The following DACH2 variants were observed in gnomAD, a reference collection of about 807,000 sequenced individuals.
DACH2 encodes the protein dachshund family transcription factor 2.
In DACH2, 17 loss-of-function variants were observed where a neutral mutation model predicts 35.8. The ratio of observed to expected loss-of-function variants is 0.48; its 90% CI spans 0.33 to 0.71. The LOEUF is 0.71. Among genes scored for constraint, DACH2 ranks in the 30% least tolerant of loss-of-function variants. The pLI is 0.02. For synonymous variants in DACH2, 195 were observed against 177.3 expected, an observed-to-expected ratio of 1.10 and a Z score of -0.79; for missense variants, 469 against 472.7, an observed-to-expected ratio of 0.99 and a Z score of 0.07.
intron 2 of DACH2, among the ~76,000 whole-genome samples, chrX:86,418,358 T>A (rs1262079658): frequency 8.9e-6 from 1 of 112,303 alleles, no homozygotes; most frequent in Non-Finnish European, 1.9e-5. Context: ...CTAGCAGAAG[T>A]TCTCCATGAG....
chrX:86,509,511 G>A (rs748538947), intron 2 of DACH2, among the ~76,000 whole-genome samples: 22 of 111,686 alleles, frequency 2.0e-4, no homozygotes, highest in Non-Finnish European at 3.8e-4. Context: ...CAATAGTTAG[G>A]CAAGTGATCT....
chrX:86,479,454 C>A (rs935584574), intron 2 of DACH2, among the ~76,000 whole-genome samples: 1 of 111,159 alleles, frequency 9.0e-6, no homozygotes. Flanking sequence ...TTGAGGTAGT[C>A]TTTTTTGGGG....
intron 7 of DACH2, among the ~76,000 whole-genome samples, chrX:86,790,942 G>T (rs552021182): frequency 9.0e-6 from 1 of 111,679 alleles, no homozygotes; most frequent in Non-Finnish European, 1.9e-5. Flanking sequence ...AACATATATC[G>T]TATGTTACAT....
intron 3 of DACH2, among the ~76,000 whole-genome samples, chrX:86,565,373 G>A (rs1381024619): frequency 9.0e-6 from 1 of 111,271 alleles, no homozygotes; most frequent in Non-Finnish European, 1.9e-5. Context: ...CTCTCAAAGT[G>A]TGGTCCCCGG....
At chrX:86,815,052 A>T (rs11797054) in intron 10 of DACH2, among the ~76,000 whole-genome samples, 37,382 of 110,826 alleles carry the variant, frequency 0.34, 5,002 homozygotes, top group Non-Finnish European at 0.42. Context: ...GTTCAGGAGA[A>T]ACAAATAGCC....
rs142084661 is a variant in DACH2 at position 86,650,624 on chromosome X, T to C, written c.641-412T>C. Among the ~76,000 whole-genome samples the C allele has an allele frequency of 8.8e-4, 98 of 111,728 alleles. 2 individuals carry two copies. The East Asian group carries it at 0.026, about 29-fold the overall frequency. On this transcript the variant is annotated intron_variant, in intron 3 of 11. Coordinates refer to ENST00000373125, the MANE Select transcript of DACH2 (RefSeq NM_053281.3). Reference sequence around the variant, plus strand: ...AACTCTTAGCAGACAAAAGAATACATTAGCAAGAGTCTTGGAATTTTTTAA... The same window carrying C: ...AACTCTTAGCAGACAAAAGAATACACTAGCAAGAGTCTTGGAATTTTTTAA...
At chrX:86,506,264 G>T (rs1429681225) in intron 2 of DACH2, among the ~76,000 whole-genome samples, 1 of 111,911 alleles carries the variant, frequency 8.9e-6, no homozygotes, top group Non-Finnish European at 1.9e-5. Context: ...GGCTTATGTT[G>T]CTGTTTCCTT....
At chrX:86,383,894 T>A (rs1293791672) in intron 2 of DACH2, among the ~76,000 whole-genome samples, 1 of 110,715 alleles carries the variant, frequency 9.0e-6, no homozygotes, top group Non-Finnish European at 1.9e-5. Context: ...ACGTGTAGCA[T>A]AATAATGTAA....
intron 1 of DACH2, among the ~76,000 whole-genome samples, chrX:86,343,870 T>C (rs1253458895): frequency 9.0e-6 from 1 of 111,049 alleles, no homozygotes; most frequent in East Asian, 2.8e-4. Flanking sequence ...TAAAAAAATT[T>C]ATCATTGGAG....
chrX:86,647,617 A>G (rs2040430643), intron 3 of DACH2, among the ~76,000 whole-genome samples: 1 of 110,974 alleles, frequency 9.0e-6, no homozygotes, highest in South Asian at 3.7e-4. Context: ...CATAGTGTCT[A>G]TAGTTAACAA....
intron 1 of DACH2, among the ~76,000 whole-genome samples, chrX:86,316,322 C>T (rs1355299311): frequency 9.1e-6 from 1 of 109,900 alleles, no homozygotes; most frequent in Non-Finnish European, 1.9e-5. Context: ...ACTGTTTTTC[C>T]TGGGGCTCAT....
chrX:86,293,895 A>G (rs763268436), intron 1 of DACH2, among the ~76,000 whole-genome samples: 1 of 110,280 alleles, frequency 9.1e-6, no homozygotes, highest in East Asian at 2.9e-4. Context: ...TCTGACAATT[A>G]TGTGTCTTGG....
At chrX:86,266,905 A>T (rs1439511543) in intron 1 of DACH2, among the ~76,000 whole-genome samples, 7 of 111,909 alleles carry the variant, frequency 6.3e-5, no homozygotes, top group African/African-American at 2.3e-4. Flanking sequence ...GTTGTCTTTG[A>T]TAGTTAATAT....
chrX:86,406,641 T>A (rs2036531827), intron 2 of DACH2, among the ~76,000 whole-genome samples: 1 of 112,390 alleles, frequency 8.9e-6, no homozygotes, highest in African/African-American at 3.2e-5. Context: ...CATAATTGGA[T>A]GTTAGTTCAG....
chrX:86,349,296 C>G (rs777379503), intron 1 of DACH2, among the ~76,000 whole-genome samples: 1 of 111,384 alleles, frequency 9.0e-6, no homozygotes, highest in African/African-American at 3.3e-5. Context: ...TTCGCCTCGC[C>G]GGTTGATGGC....
chrX:86,771,694 G>T (rs1035375407), intron 7 of DACH2, among the ~76,000 whole-genome samples: 13 of 111,799 alleles, frequency 1.2e-4, no homozygotes, highest in Non-Finnish European at 2.4e-4. Flanking sequence ...TCATGACGCT[G>T]CTTCTTTTGT....
At chrX:86,257,002 T>G (rs1018097238) in intron 1 of DACH2, among the ~76,000 whole-genome samples, 1 of 112,259 alleles carries the variant, frequency 8.9e-6, no homozygotes, top group African/African-American at 3.2e-5. Context: ...ATCTACATAT[T>G]TATTTAAACA....
At chrX:86,497,330 G>A (rs2038186618) in intron 2 of DACH2, among the ~76,000 whole-genome samples, 2 of 111,958 alleles carry the variant, frequency 1.8e-5, no homozygotes, top group Admixed American at 1.9e-4. Context: ...GCTAATACTT[G>A]CTCAAATTTG....
At chrX:86,433,234 T>A (rs2037013360) in intron 2 of DACH2, among the ~76,000 whole-genome samples, 1 of 111,886 alleles carries the variant, frequency 8.9e-6, no homozygotes, top group African/African-American at 3.2e-5. Flanking sequence ...AAAATAAAAT[T>A]GGGAGAAGAA....
Sources: allele counts gnomAD v4.1 joint callset (sites outside exome capture counted in the v4.1 genomes callset), GRCh38; gene constraint gnomAD v4.1.1; transcripts MANE v1.5; gene names NCBI Gene and HGNC (gene_info 2026-07-23, HGNC 2026-07-21).